SYNE1: variants seen among roughly 807,000 people sequenced by gnomAD.
SYNE1 encodes nesprin-1.
A neutral mutation model predicts 1,111.0 loss-of-function variants in SYNE1; 616 were observed. The ratio of observed to expected loss-of-function variants is 0.55; its 90% confidence interval spans 0.52 to 0.59. The LOEUF (loss-of-function observed/expected upper bound fraction) is 0.59. Ranked by LOEUF, SYNE1 falls within the 20% of genes least tolerant of loss-of-function variation. The probability of loss-of-function intolerance (pLI) is 0.00; values close to 1 mark genes in which losing one functional copy is unlikely to be tolerated. For missense variants in SYNE1, 10,006 were observed against 10,417.0 expected (o/e 0.96, Z 1.72); for synonymous variants, 3,855 against 3,825.8 (o/e 1.01, Z -0.28).
Position 152,444,550 on chromosome 6 carries a change from T to G in SYNE1, c.3698A>C (p.Asp1233Ala). Residue 1233 changes from aspartate (D) to alanine (A), a missense_variant, in exon 30 of 146, where the codon GAC (aspartate) becomes GCC (alanine). Physicochemically the swap from Asp to Ala is moderately radical, Grantham distance 126. This residue lies in a region of SYNE1 where 1,971 missense variants were observed against 2,084.1 expected (regional missense o/e 0.95). Coordinates refer to ENST00000367255, the MANE Select transcript of SYNE1 (RefSeq NM_182961.4). The stretch of plus-strand genomic sequence containing the variant: ...GACTATTTCTTTGTACTGGACACAG[T>G]CCCCAAAATTGCTTAGCATCTTTTC... ...EVEKMLSNFG[D>A]CVQYKEIVKN... The G allele has an allele frequency of 6.2e-7, 1 of 1,612,382 alleles. No homozygotes were observed. Among genetic ancestry groups the G allele is most frequent in the Non-Finnish European group, 8.5e-7 (1 of 1,179,676 alleles).
At chr6:152,426,402 G>T (rs2098356108) in intron 38 of SYNE1, among the ~76,000 whole-genome samples, 1 of 152,236 alleles carries the variant, frequency 6.6e-6, no homozygotes, top group South Asian at 2.1e-4. Context: ...ACAAGGGAAA[G>T]AAACAGCGCA....
At chr6:152,163,779 G>A (rs543642942) in intron 131 of SYNE1, among the ~76,000 whole-genome samples, 13 of 152,206 alleles carry the variant, frequency 8.5e-5, no homozygotes, top group African/African-American at 2.9e-4. Flanking sequence ...AAAGTCGGGG[G>A]CAGGGGGGCT....
At chr6:152,193,847 TAA>T (rs564945651) in intron 127 of SYNE1, among the ~76,000 whole-genome samples, 7 of 151,374 alleles carry the variant, frequency 4.6e-5, no homozygotes, top group Non-Finnish European at 4.4e-5. Context: ...CTGTCTCTAC[TAA>T]AAAAATACAA....
chr6:152,459,639 G>T (rs1764962511), intron 21 of SYNE1, among the ~76,000 whole-genome samples: 1 of 152,110 alleles, frequency 6.6e-6, no homozygotes, highest in Admixed American at 6.5e-5. Context: ...TAAAGATGAG[G>T]CCACTAGCTC....
intron 9 of SYNE1, among the ~76,000 whole-genome samples, chr6:152,504,174 T>C (rs1306279233): frequency 6.6e-6 from 1 of 152,132 alleles, no homozygotes; most frequent in East Asian, 1.9e-4. Flanking sequence ...GGCTGGAATA[T>C]GTGTTTTTCC....
At chr6:152,626,692 C>T (rs1402586208) in intron 3 of SYNE1, among the ~76,000 whole-genome samples, 1 of 152,170 alleles carries the variant, frequency 6.6e-6, no homozygotes, top group African/African-American at 2.4e-5. Context: ...GAAACATGTA[C>T]CACTCACACT....
chr6:152,349,982 C>T (rs375407340), intron 72 of SYNE1, among the ~76,000 whole-genome samples, 186 bp downstream of exon 72: 2 of 152,200 alleles, frequency 1.3e-5, no homozygotes. Flanking sequence ...ATTGCCCAGT[C>T]TCAGGTATGT....
intron 91 of SYNE1, among the ~76,000 whole-genome samples, chr6:152,303,136 G>T (rs1362063630): frequency 7.3e-6 from 1 of 137,540 alleles, no homozygotes; most frequent in Non-Finnish European, 1.5e-5. Flanking sequence ...TGTTTCAGAG[G>T]CTGTCATTTA....
chr6:152,426,423 C>A (rs1460549682), intron 38 of SYNE1, among the ~76,000 whole-genome samples: 1 of 152,190 alleles, frequency 6.6e-6, no homozygotes, highest in African/African-American at 2.4e-5. Flanking sequence ...GGGTGCAGAG[C>A]CAGGAGGTAG....
chr6:152,397,110 G>A (rs944210278), intron 49 of SYNE1, 130 bp from the exon 50 acceptor site: 5 of 881,608 alleles, frequency 5.7e-6, no homozygotes, highest in Non-Finnish European at 9.2e-6. Context: ...TAAAAATGAT[G>A]CATACAATTG....
At chr6:152,184,090 C>T (rs2068948868) in intron 128 of SYNE1, among the ~76,000 whole-genome samples, 1 of 152,190 alleles carries the variant, frequency 6.6e-6, no homozygotes, top group South Asian at 2.1e-4. Context: ...ATGTGCCCAG[C>T]ACTGTCCTAT....
intron 95 of SYNE1, among the ~76,000 whole-genome samples, chr6:152,284,950 C>A (rs926833153): frequency 6.6e-6 from 1 of 151,988 alleles, no homozygotes; most frequent in African/African-American, 2.4e-5. Flanking sequence ...TTCTCATTTA[C>A]CAAACTCTAA....
chr6:152,465,673 G>C (rs979935920), intron 17 of SYNE1, among the ~76,000 whole-genome samples: 1 of 151,622 alleles, frequency 6.6e-6, no homozygotes, highest in Non-Finnish European at 1.5e-5. Flanking sequence ...TTACTTGATT[G>C]GTAATCCTTA....
intron 3 of SYNE1, among the ~76,000 whole-genome samples, chr6:152,614,212 G>A (rs995792506): frequency 1.3e-5 from 2 of 152,020 alleles, no homozygotes; most frequent in African/African-American, 4.8e-5. Context: ...CTACAGAATG[G>A]GAGAAAATTT....
intron 3 of SYNE1, among the ~76,000 whole-genome samples, chr6:152,623,504 A>C (rs2099679884): frequency 6.6e-6 from 1 of 152,194 alleles, no homozygotes; most frequent in Non-Finnish European, 1.5e-5. Flanking sequence ...AACTGCAACA[A>C]AAACAAAAAT....
rs1562757461 is a variant in SYNE1 at position 152,281,817 on chromosome 6, A to G, written c.18371T>C (p.Met6124Thr). 2 of 1,614,184 alleles carry G rather than the reference A, an allele frequency of 1.2e-6. No individual in the cohort carries two copies. The highest frequency in any genetic ancestry group is 1.7e-5 in the Admixed American group (1 of 60,024). Residue 6124 changes from methionine to threonine, a missense_variant, in exon 97 of 146, where the codon ATG becomes ACG. Transcript: ENST00000367255. ...KEPMDMEAQL[M>T]DCQNMLVEIE... Reference sequence around the variant, plus strand: ...AGACCATTTTGGTACCTGGCAGTCCATAAGCTGGGCCTCCATGTCCATGGG... The same window carrying G: ...AGACCATTTTGGTACCTGGCAGTCCGTAAGCTGGGCCTCCATGTCCATGGG...
intron 101 of SYNE1, among the ~76,000 whole-genome samples, chr6:152,258,833 C>T (rs1351342427): frequency 6.6e-6 from 1 of 151,764 alleles, no homozygotes; most frequent in Non-Finnish European, 1.5e-5. Context: ...CAACCTCTGC[C>T]TCCCGGGTTC....
chr6:152,153,008 G>T (rs1460966842), intron 133 of SYNE1, among the ~76,000 whole-genome samples: 1 of 152,118 alleles, frequency 6.6e-6, no homozygotes, highest in Non-Finnish European at 1.5e-5. Context: ...AAAATCATTT[G>T]TATGATTTAT....
intron 3 of SYNE1, among the ~76,000 whole-genome samples, chr6:152,626,022 T>G (rs911439254): frequency 6.6e-6 from 1 of 152,198 alleles, no homozygotes; most frequent in Non-Finnish European, 1.5e-5. Context: ...CCTATTTGTG[T>G]GATAGGGTGA....
Sources: gnomAD v4.1 joint callset for allele counts (sites outside exome capture counted in the v4.1 genomes callset) on GRCh38, gnomAD v4.1.1 for gene constraint, gnomAD v4.1.1 regional missense constraint, MANE v1.5 for transcripts, NCBI Gene and HGNC (gene_info 2026-07-23, HGNC 2026-07-21) for gene names.